Variants in EEPD1 observed in about 807,000 individuals in gnomAD.
EEPD1 encodes endonuclease/exonuclease/phosphatase family domain-containing protein 1.
Under a neutral mutation model 46.3 loss-of-function variants are expected in EEPD1, and 17 were observed. That is an observed-to-expected ratio of 0.37 (90% confidence interval 0.25 to 0.55). The LOEUF (loss-of-function observed/expected upper bound fraction) is 0.55. Among genes scored for constraint, EEPD1 ranks in the 20% least tolerant of loss-of-function variants. The pLI is 0.83. For synonymous variants in EEPD1, 313 were observed against 315.6 expected (o/e 0.99, Z 0.09); for missense variants, 673 against 745.6 (o/e 0.90, Z 1.13).
chr7:36,203,216 C>G (rs1204620510), intron 2 of EEPD1, among the ~76,000 whole-genome samples: 6 of 152,148 alleles, frequency 3.9e-5, no homozygotes, highest in Non-Finnish European at 5.9e-5. Flanking sequence ...GTGCAGGAGG[C>G]ACACAGTAAC....
chr7:36,262,559 G>A (rs1332849213), intron 3 of EEPD1, among the ~76,000 whole-genome samples: 1 of 152,160 alleles, frequency 6.6e-6, no homozygotes, highest in African/African-American at 2.4e-5. Context: ...TGCATTCAGG[G>A]GGTTGTGTCT....
At chr7:36,215,943 A>G (rs1411736957) in intron 2 of EEPD1, among the ~76,000 whole-genome samples, 2 of 152,026 alleles carry the variant, frequency 1.3e-5, no homozygotes, top group Non-Finnish European at 2.9e-5. Flanking sequence ...TGGGAGCCCT[A>G]CCTCCTCCTG....
chr7:36,233,289 AT>A (rs1424452446), intron 2 of EEPD1, among the ~76,000 whole-genome samples: 1 of 152,238 alleles, frequency 6.6e-6, no homozygotes, highest in Non-Finnish European at 1.5e-5. Context: ...CAGTTACATA[AT>A]TCACGTAGTA....
intron 2 of EEPD1, among the ~76,000 whole-genome samples, chr7:36,169,645 C>T (rs1785043619): frequency 6.6e-6 from 1 of 152,220 alleles, no homozygotes; most frequent in Non-Finnish European, 1.5e-5. Flanking sequence ...TTCCCCTCTT[C>T]CTCGCCCCTT....
chr7:36,180,562 A>G (rs966072483), intron 2 of EEPD1, among the ~76,000 whole-genome samples: 2 of 152,120 alleles, frequency 1.3e-5, no homozygotes, highest in African/African-American at 4.8e-5. Context: ...TTTATTAAAC[A>G]TGCTTGGAAC....
Position 36,291,154 on chromosome 7 carries a change from C to T in EEPD1, c.1315+3377C>T, listed in dbSNP as rs191542925. On this transcript the variant is annotated intron_variant, in intron 6 of 7. Transcript: ENST00000242108. ...AGGCCTGCATCCCAACGAAAACCTCCCTCATTATATGGGAACTTTGTTTTC... is the reference window on the plus strand; with the variant it reads ...AGGCCTGCATCCCAACGAAAACCTCTCTCATTATATGGGAACTTTGTTTTC... Among the ~76,000 whole-genome samples the T allele has an allele frequency of 2.6e-4, 39 of 152,330 alleles. No individual in the cohort carries two copies. The East Asian group carries it at 7.1e-3, about 28-fold the overall frequency.
chr7:36,298,047 C>T (rs1049499645), intron 7 of EEPD1, among the ~76,000 whole-genome samples: 1 of 152,210 alleles, frequency 6.6e-6, no homozygotes, highest in African/African-American at 2.4e-5. Context: ...GCTTGACTGT[C>T]ACCTGCTTCT....
rs1324403147 is a variant in EEPD1 at position 36,299,231 on chromosome 7, C to G, written c.*25C>G. ...ATGACACCAAATCCATGTGTCCACC[C>G]TGGGACCCAGGAGGGCACAGCCAAG... On this transcript the variant is annotated 3_prime_UTR_variant, in exon 8 of 8. Transcript: ENST00000242108. 19 of 1,608,868 alleles carry G rather than the reference C, an allele frequency of 1.2e-5. No homozygotes were observed. Among genetic ancestry groups the G allele is most frequent in the Non-Finnish European group, 1.5e-5 (18 of 1,177,338 alleles).
intron 2 of EEPD1, among the ~76,000 whole-genome samples, chr7:36,215,834 C>G (rs1333965976): frequency 6.6e-6 from 1 of 152,208 alleles, no homozygotes; most frequent in East Asian, 1.9e-4. Context: ...CTGGGCCTCC[C>G]TGCAGACTGC....
intron 2 of EEPD1, among the ~76,000 whole-genome samples, chr7:36,232,793 A>G (rs1786359002): frequency 6.6e-6 from 1 of 151,694 alleles, no homozygotes; most frequent in African/African-American, 2.4e-5. Context: ...GTAACTCATG[A>G]GAGCAGGACA....
chr7:36,292,444 TCTCC>T (rs887867718), intron 6 of EEPD1, among the ~76,000 whole-genome samples: 5 of 151,520 alleles, frequency 3.3e-5, no homozygotes, highest in African/African-American at 1.2e-4. Context: ...TCTCTCTGTC[TCTCC>T]CTCCCTCCCT....
Position 36,299,813 on chromosome 7 carries a change from C to T in EEPD1, c.*607C>T, listed in dbSNP as rs1787589319. On this transcript the variant is annotated 3_prime_UTR_variant, in exon 8 of 8. Transcript: ENST00000242108. ...CCCCAACGCGCAGTGTGTATTTGCACCACGGCAGGTGCCTCTGTGTGGAGC... is the reference window on the plus strand; with the variant it reads ...CCCCAACGCGCAGTGTGTATTTGCATCACGGCAGGTGCCTCTGTGTGGAGC... The T allele has an allele frequency of 7.6e-6, 1 of 131,068 alleles. No homozygotes were observed. The highest frequency in any genetic ancestry group is 1.6e-5 in the Non-Finnish European group (1 of 63,584). 8.1% of individuals were successfully genotyped at this position (131,068 alleles called of 1,614,324 possible).
chr7:36,250,848 C>A (rs1376865259), intron 3 of EEPD1, among the ~76,000 whole-genome samples: 1 of 152,154 alleles, frequency 6.6e-6, no homozygotes, highest in Non-Finnish European at 1.5e-5. Context: ...CCCTCAGGTT[C>A]ATACTTCTTG....
chr7:36,173,366 A>T (rs1397587256), intron 2 of EEPD1, among the ~76,000 whole-genome samples: 1 of 149,248 alleles, frequency 6.7e-6, no homozygotes, highest in African/African-American at 2.5e-5. Context: ...GGGTGTGGTA[A>T]TGTGCACCTA....
At chr7:36,251,881 T>G (rs1189886827) in intron 3 of EEPD1, among the ~76,000 whole-genome samples, 2 of 152,254 alleles carry the variant, frequency 1.3e-5, no homozygotes, top group African/African-American at 2.4e-5. Flanking sequence ...TGTACAGTTA[T>G]TTGATTTTTA....
intron 2 of EEPD1, among the ~76,000 whole-genome samples, chr7:36,161,979 A>C (rs1434789404): frequency 6.6e-6 from 1 of 152,160 alleles, no homozygotes; most frequent in African/African-American, 2.4e-5. Context: ...GTCAGTAACA[A>C]ATAAAATGAT....
rs1311020125 is a variant in EEPD1 at position 36,193,938 on chromosome 7, C to T, written c.878+38736C>T. Reference sequence around the variant, plus strand: ...TCTTGAGAGTTCAGGAGCCTCTTATCCCCATTTGCATCCTCAGAGCCCTGC... The same window carrying T: ...TCTTGAGAGTTCAGGAGCCTCTTATTCCCATTTGCATCCTCAGAGCCCTGC... On this transcript the variant is annotated intron_variant, in intron 2 of 7. Transcript: ENST00000242108. This position sits in a 1 kb window ranked among gnomAD's most constrained non-coding sequence, Gnocchi z 4.9. 6.6e-6 allele frequency among the ~76,000 whole-genome samples: 1 copy of T among 152,176 alleles called. No homozygotes were observed. Among genetic ancestry groups the T allele is most frequent in the Non-Finnish European group, 1.5e-5 (1 of 68,024 alleles).
At chr7:36,239,272 G>A (rs767921510) in intron 3 of EEPD1, among the ~76,000 whole-genome samples, 1 of 152,180 alleles carries the variant, frequency 6.6e-6, no homozygotes, top group Non-Finnish European at 1.5e-5. Flanking sequence ...TGCAGGTTGT[G>A]TGAAAGGCAG....
chr7:36,283,286 A>G (rs1787289742), intron 4 of EEPD1, among the ~76,000 whole-genome samples: 1 of 152,130 alleles, frequency 6.6e-6, no homozygotes. Context: ...CCAGCGGTGG[A>G]AGGAGCAGCA....
Sources: allele counts gnomAD v4.1 joint callset (sites outside exome capture counted in the v4.1 genomes callset), GRCh38; gene constraint gnomAD v4.1.1; non-coding constraint Gnocchi (gnomAD v3.1); transcripts MANE v1.5; gene names NCBI Gene and HGNC (gene_info 2026-07-23, HGNC 2026-07-21).